The following AP3B1 variants were observed in gnomAD, a reference collection of about 807,000 sequenced individuals.
The protein encoded by AP3B1 is AP-3 complex subunit beta-1.
Under a neutral mutation model 132.5 loss-of-function variants are expected in AP3B1, and 61 were observed. That is an observed-to-expected ratio of 0.46 (90% CI 0.37 to 0.57). The LOEUF is 0.57. Ranked by LOEUF, AP3B1 falls within the 20% of genes least tolerant of loss-of-function variation. The pLI is 0.00. For synonymous variants in AP3B1, 388 were observed against 438.3 expected, an observed-to-expected ratio of 0.89 and a Z score of 1.43; for missense variants, 1,120 against 1,289.4, an observed-to-expected ratio of 0.87 and a Z score of 2.01.
At chr5:78,124,026 T>G (rs1267484574) in intron 17 of AP3B1, among the ~76,000 whole-genome samples, 5 of 152,208 alleles carry the variant, frequency 3.3e-5, no homozygotes, top group East Asian at 3.9e-4. Context: ...CCATAAAAAA[T>G]GATGAGTTCA....
At chr5:78,153,338 C>T (rs1447955656) in intron 14 of AP3B1, among the ~76,000 whole-genome samples, 1 of 152,004 alleles carries the variant, frequency 6.6e-6, no homozygotes. Flanking sequence ...TAGGAAGAGA[C>T]AGACATTTTG....
chr5:78,175,896 A>G, intron 9 of AP3B1, 58 bp from the exon 10 acceptor site: 1 of 1,232,418 alleles, frequency 8.1e-7, no homozygotes, highest in East Asian at 2.3e-5. Flanking sequence ...ATCTTTGAGT[A>G]AGCACTACAA....
chr5:78,124,559 A>G (rs2031388165), intron 17 of AP3B1, among the ~76,000 whole-genome samples: 1 of 152,200 alleles, frequency 6.6e-6, no homozygotes, highest in Non-Finnish European at 1.5e-5. Context: ...TGGGTGACAG[A>G]GCAAAATCAT....
chr5:78,118,110 A>G (rs1050992576), intron 17 of AP3B1, among the ~76,000 whole-genome samples: 4 of 152,230 alleles, frequency 2.6e-5, no homozygotes, highest in African/African-American at 9.6e-5. Context: ...TACTAAAAAA[A>G]CAAATACCTA....
intron 7 of AP3B1, among the ~76,000 whole-genome samples, chr5:78,207,352 G>A (rs1261670215): frequency 6.6e-6 from 1 of 151,840 alleles, no homozygotes; most frequent in Non-Finnish European, 1.5e-5. Context: ...ACTTGAGCCT[G>A]GAAGGGCGAA....
chr5:78,241,086 C>G (rs1162884003), intron 2 of AP3B1, 150 bp from the exon 3 acceptor site: 1 of 597,742 alleles, frequency 1.7e-6, no homozygotes, highest in Non-Finnish European at 3.0e-6. Flanking sequence ...TAAACACTAT[C>G]TTGTACAGCA....
chr5:78,089,569 T>A (rs1398628994), intron 21 of AP3B1, 70 bp from the exon 22 acceptor site: 2 of 992,998 alleles, frequency 2.0e-6, no homozygotes, highest in Admixed American at 3.5e-5. Flanking sequence ...GCAACATTTT[T>A]ATTTTGTTAG....
chr5:78,216,051 T>C lies in AP3B1; in HGVS notation c.786+4A>G, dbSNP rs750845394. 6.2e-7 allele frequency: 1 copy of C among 1,613,932 alleles called. No individual in the cohort carries two copies. Among genetic ancestry groups the C allele is most frequent in the East Asian group, 2.2e-5 (1 of 44,874 alleles). On this transcript the variant is annotated splice_donor_region_variant and intron_variant, in intron 7 of 26. Transcript: ENST00000255194. ...TTGAAAGTGGAAGACTGTTCAACAC[T>C]TACCTCTTTCCAAGGGCTGACAAAC...
At chr5:78,176,517 T>C (rs1194469696) in intron 9 of AP3B1, among the ~76,000 whole-genome samples, 1 of 152,184 alleles carries the variant, frequency 6.6e-6, no homozygotes, top group Non-Finnish European at 1.5e-5. Flanking sequence ...GTTTTTTCCT[T>C]CCAACGCAAT....
intron 19 of AP3B1, 138 bp from the exon 20 acceptor site, chr5:78,110,492 C>A: frequency 1.6e-6 from 1 of 623,066 alleles, no homozygotes; most frequent in Non-Finnish European, 2.7e-6. Context: ...TAAATTAGAA[C>A]CCATTCAAAT....
chr5:78,177,346 T>C lies in AP3B1; in HGVS notation c.1033A>G (p.Ser345Gly), dbSNP rs755725180. The change falls in exon 9 of 27, where the codon AGC becomes GGC. Residue 345 changes from serine (S) to glycine (G), a missense_variant. By Grantham distance (56) the Ser-to-Gly change is moderately conservative (BLOSUM62 0). This residue lies in a region of AP3B1 where 906 missense variants were observed against 997.1 expected (regional missense o/e 0.91). Coordinates refer to ENST00000255194, the MANE Select transcript of AP3B1 (RefSeq NM_003664.5). ...ISKSLVRLLRSNREVQYIVLQ... is the reference protein window; with the variant it reads ...ISKSLVRLLRGNREVQYIVLQ... ...TATAAAATCATGACCTACCTATTGC[T>C]ACGAAGTAAACGCACTAGTGATTTA... is the stretch of plus-strand genomic sequence containing the variant. The C allele has an allele frequency of 3.1e-6, 5 of 1,611,410 alleles. 1 individual carries two copies. The South Asian group carries it at 5.5e-5, about 18-fold the overall frequency.
chr5:78,158,311 GC>G (rs1447037384), intron 13 of AP3B1, among the ~76,000 whole-genome samples: 2 of 152,026 alleles, frequency 1.3e-5, no homozygotes, highest in Non-Finnish European at 2.9e-5. Flanking sequence ...CCAAAAATTA[GC>G]CAGGAGTTGT....
At chr5:78,275,635 C>T (rs141143516) in intron 1 of AP3B1, among the ~76,000 whole-genome samples, 1,527 of 152,186 alleles carry the variant, frequency 0.01, 23 homozygotes, top group African/African-American at 0.034. Flanking sequence ...GCCACCACAC[C>T]CAGCTAATTT....
At chr5:78,135,449 G>GA (rs1314100052) in intron 15 of AP3B1, among the ~76,000 whole-genome samples, 4 of 152,106 alleles carry the variant, frequency 2.6e-5, no homozygotes, top group African/African-American at 9.7e-5. Context: ...ATGATTGAAT[G>GA]AAACACACCA....
intron 7 of AP3B1, among the ~76,000 whole-genome samples, chr5:78,183,479 G>A (rs1180083340): frequency 2.0e-5 from 3 of 152,272 alleles, no homozygotes; most frequent in Admixed American, 6.5e-5. Flanking sequence ...ATATTGGAAT[G>A]ATCTGATTAT....
At chr5:78,205,895 A>C (rs1745485948) in intron 7 of AP3B1, among the ~76,000 whole-genome samples, 1 of 152,156 alleles carries the variant, frequency 6.6e-6, no homozygotes, top group Admixed American at 6.6e-5. Flanking sequence ...CTACTATACT[A>C]GGAATGGTTT....
intron 1 of AP3B1, among the ~76,000 whole-genome samples, chr5:78,291,203 G>A (rs1321710047): frequency 6.6e-6 from 1 of 152,032 alleles, no homozygotes; most frequent in African/African-American, 2.4e-5. Context: ...AGGCATCATT[G>A]AGATGGTTAG....
intron 21 of AP3B1, among the ~76,000 whole-genome samples, chr5:78,097,534 A>T (rs1463703439): frequency 1.9e-5 from 2 of 105,682 alleles, no homozygotes; most frequent in African/African-American, 7.6e-5. Context: ...CCGCCCGGCC[A>T]GCCGCCCCGT....
chr5:78,125,922 A>G (rs1752435791), intron 17 of AP3B1, among the ~76,000 whole-genome samples: 1 of 152,170 alleles, frequency 6.6e-6, no homozygotes, highest in South Asian at 2.1e-4. Context: ...ATCAGCCAAT[A>G]AAGAATACTG....
Sources: allele counts gnomAD v4.1 joint callset (sites outside exome capture counted in the v4.1 genomes callset), GRCh38; gene constraint gnomAD v4.1.1; regional missense constraint gnomAD v4.1.1; transcripts MANE v1.5; gene names NCBI Gene and HGNC (gene_info 2026-07-23, HGNC 2026-07-21).